Variants in DCC observed in about 807,000 individuals in gnomAD.
DCC encodes netrin receptor DCC.
In DCC, 58 loss-of-function variants were observed where a neutral mutation model predicts 172.5. The ratio of observed to expected loss-of-function variants is 0.34; its 90% CI spans 0.27 to 0.42. DCC has a LOEUF of 0.42. DCC is among the 10% of genes least tolerant of loss of function. The pLI is 1.00. For synonymous variants in DCC, 709 were observed against 644.5 expected (o/e 1.10, Z -1.52); for missense variants, 1,740 against 1,791.0 (o/e 0.97, Z 0.51).
At chr18:52,553,076 G>A (rs181560887) in intron 1 of DCC, among the ~76,000 whole-genome samples, 39 of 152,032 alleles carry the variant, frequency 2.6e-4, no homozygotes, top group Admixed American at 2.2e-3. Flanking sequence ...ATTCCAAAAC[G>A]GCAGAAATCT....
chr18:52,769,618 T>C (rs1389154136), intron 2 of DCC, among the ~76,000 whole-genome samples: 1 of 152,210 alleles, frequency 6.6e-6, no homozygotes, highest in African/African-American at 2.4e-5. Flanking sequence ...GGATCATGCC[T>C]TTACATATTG....
intron 1 of DCC, among the ~76,000 whole-genome samples, chr18:52,694,966 T>C (rs975009816): frequency 6.6e-6 from 1 of 152,194 alleles, no homozygotes; most frequent in Non-Finnish European, 1.5e-5. Context: ...TACACCACAG[T>C]GACACCTTCT....
chr18:52,378,421 C>T, intron 1 of DCC, among the ~76,000 whole-genome samples: 1 of 152,102 alleles, frequency 6.6e-6, no homozygotes, highest in Admixed American at 6.6e-5. Context: ...AGCACCTTCT[C>T]TACATGCAGG....
chr18:52,811,566 A>G (rs988151762), intron 2 of DCC, among the ~76,000 whole-genome samples: 3 of 151,916 alleles, frequency 2.0e-5, no homozygotes, highest in Non-Finnish European at 2.9e-5. Context: ...AAATTTTCAT[A>G]CATTAAATTG....
intron 2 of DCC, among the ~76,000 whole-genome samples, chr18:52,889,150 T>G (rs905548251): frequency 2.6e-5 from 4 of 152,078 alleles, no homozygotes; most frequent in Non-Finnish European, 4.4e-5. Flanking sequence ...GATATGGAAC[T>G]AGGAATTGGA....
At chr18:52,948,825 G>A (rs1272839159) in intron 5 of DCC, among the ~76,000 whole-genome samples, 3 of 148,850 alleles carry the variant, frequency 2.0e-5, no homozygotes, top group African/African-American at 7.8e-5. Flanking sequence ...TATGTCATAT[G>A]TTGTTGTTGT....
At chr18:53,234,900 C>T (rs1186931974) in intron 12 of DCC, among the ~76,000 whole-genome samples, 1 of 152,174 alleles carries the variant, frequency 6.6e-6, no homozygotes, top group African/African-American at 2.4e-5. Context: ...CTTTCTTCTT[C>T]TCTTCCTCCT....
intron 1 of DCC, among the ~76,000 whole-genome samples, chr18:52,720,530 C>G (rs1013013117): frequency 1.3e-5 from 2 of 152,100 alleles, no homozygotes; most frequent in African/African-American, 4.8e-5. Context: ...CACATGATAC[C>G]TCTGAACCCA....
chr18:53,251,649 AGCACTATCAAATT>A (rs2056436238), intron 12 of DCC, among the ~76,000 whole-genome samples: 1 of 151,938 alleles, frequency 6.6e-6, no homozygotes, highest in Non-Finnish European at 1.5e-5. Flanking sequence ...AGTTACATAC[AGCACTATCAAATT>A]GCGTGTGTGA....
chr18:52,810,045 T>C (rs184580233), intron 2 of DCC, among the ~76,000 whole-genome samples: 38 of 151,868 alleles, frequency 2.5e-4, no homozygotes, highest in African/African-American at 8.9e-4. Flanking sequence ...GTCCTGTCTC[T>C]CAATTTCATA....
At chr18:52,583,109 C>G (rs927739271) in intron 1 of DCC, among the ~76,000 whole-genome samples, 15 of 152,140 alleles carry the variant, frequency 9.9e-5, no homozygotes, top group Non-Finnish European at 1.9e-4. Context: ...GAAGCAATCT[C>G]TTTGATAAAT....
At chr18:53,177,365 A>G (rs908606356) in intron 8 of DCC, among the ~76,000 whole-genome samples, 1 of 152,140 alleles carries the variant, frequency 6.6e-6, no homozygotes, top group African/African-American at 2.4e-5. Flanking sequence ...CTTATTAAAC[A>G]CTAACGTCCC....
intron 28 of DCC, chr18:53,530,212 A>G: frequency 1.5e-6 from 1 of 647,896 alleles, no homozygotes; most frequent in Non-Finnish European, 2.8e-6. Flanking sequence ...AATAGATGTC[A>G]TTATCATTTT....
chr18:53,290,927 G>T (rs915156098), intron 12 of DCC, among the ~76,000 whole-genome samples: 2 of 152,168 alleles, frequency 1.3e-5, no homozygotes, highest in African/African-American at 4.8e-5. Context: ...CCAGCACTTT[G>T]GGAGGCTGAG....
intron 15 of DCC, among the ~76,000 whole-genome samples, chr18:53,379,897 T>A (rs1249206360): frequency 6.6e-6 from 1 of 152,242 alleles, no homozygotes; most frequent in Non-Finnish European, 1.5e-5. Flanking sequence ...TCCAAATTAT[T>A]ATTTGGAAAT....
chr18:53,272,831 T>G (rs1390579855), intron 12 of DCC, among the ~76,000 whole-genome samples: 1 of 152,178 alleles, frequency 6.6e-6, no homozygotes. Context: ...ATCCTTTGAT[T>G]GTTTCGGAAA....
intron 12 of DCC, among the ~76,000 whole-genome samples, chr18:53,301,290 T>C (rs937075687): frequency 3.9e-5 from 6 of 151,908 alleles, no homozygotes; most frequent in African/African-American, 1.5e-4. Flanking sequence ...GGTTTCTCCA[T>C]GCTGGTCAGG....
At chr18:53,403,776 T>C (rs924837707) in intron 19 of DCC, among the ~76,000 whole-genome samples, 4 of 152,212 alleles carry the variant, frequency 2.6e-5, no homozygotes, top group African/African-American at 9.6e-5. Context: ...CGTCCCGTGA[T>C]ACAGAGAGAT....
intron 1 of DCC, among the ~76,000 whole-genome samples, chr18:52,383,137 A>T (rs999854207): frequency 6.6e-6 from 1 of 152,132 alleles, no homozygotes; most frequent in Non-Finnish European, 1.5e-5. Flanking sequence ...CTTAAGACAG[A>T]TTCTCAAAGA....
Sources: gnomAD v4.1 joint callset for allele counts (sites outside exome capture counted in the v4.1 genomes callset) on GRCh38, gnomAD v4.1.1 for gene constraint, MANE v1.5 for transcripts, NCBI Gene and HGNC (gene_info 2026-07-23, HGNC 2026-07-21) for gene names.